The following EFCAB11 variants were observed in gnomAD, a reference collection of about 807,000 sequenced individuals.
EFCAB11 encodes EF-hand calcium binding domain 11.
A neutral mutation model predicts 23.0 loss-of-function variants in EFCAB11; 14 were observed. That is an observed-to-expected ratio of 0.61 (90% confidence interval 0.40 to 0.95). The LOEUF (loss-of-function observed/expected upper bound fraction) is 0.95. Among genes scored for constraint, EFCAB11 ranks in the 40% least tolerant of loss-of-function variants. EFCAB11 has a pLI of 0.00. For synonymous variants in EFCAB11, 65 were observed against 66.6 expected, an observed-to-expected ratio of 0.98 and a Z score of 0.11; for missense variants, 198 against 195.8, an observed-to-expected ratio of 1.01 and a Z score of -0.07.
At chr14:89,885,739 GAGAAAGAAA>G (rs1888741073) in intron 5 of EFCAB11, among the ~76,000 whole-genome samples, 1 of 118,944 alleles carries the variant, frequency 8.4e-6, no homozygotes, top group African/African-American at 3.3e-5. Flanking sequence ...GAGAGAGAGA[GAGAAAGAAA>G]GGAAAGAAAG....
intron 5 of EFCAB11, among the ~76,000 whole-genome samples, chr14:89,834,146 A>G (rs1886977273): frequency 6.6e-6 from 1 of 151,104 alleles, no homozygotes; most frequent in African/African-American, 2.4e-5. Context: ...CGAGGTCAGG[A>G]GATAGAGACC....
chr14:89,916,365 T>C, intron 5 of EFCAB11, among the ~76,000 whole-genome samples: 1 of 152,146 alleles, frequency 6.6e-6, no homozygotes, highest in East Asian at 1.9e-4. Context: ...AAGAATCAAA[T>C]TTGACTCTGA....
At chr14:89,904,181 T>G (rs1889423390) in intron 5 of EFCAB11, among the ~76,000 whole-genome samples, 1 of 152,050 alleles carries the variant, frequency 6.6e-6, no homozygotes, top group Non-Finnish European at 1.5e-5. Context: ...CCTCTGTCCA[T>G]GTGTTCTCAT....
At chr14:89,840,065 T>C (rs182143280) in intron 5 of EFCAB11, among the ~76,000 whole-genome samples, 21 of 152,316 alleles carry the variant, frequency 1.4e-4, no homozygotes, top group Admixed American at 1.4e-3. Flanking sequence ...TGAGATCCAC[T>C]AGGCATTCCC....
At chr14:89,876,047 G>C (rs1396170488) in intron 5 of EFCAB11, among the ~76,000 whole-genome samples, 4 of 152,180 alleles carry the variant, frequency 2.6e-5, no homozygotes, top group African/African-American at 9.7e-5. Context: ...TTTGGCAACT[G>C]GGAGGTTGTT....
chr14:89,797,951 T>A, intron 5 of EFCAB11, among the ~76,000 whole-genome samples: 1 of 151,812 alleles, frequency 6.6e-6, no homozygotes, highest in Non-Finnish European at 1.5e-5. Flanking sequence ...AAAAAAAAAG[T>A]GTGTTTGAAA....
At chr14:89,842,961 A>G (rs113400501) in intron 5 of EFCAB11, among the ~76,000 whole-genome samples, 3,110 of 151,262 alleles carry the variant, frequency 0.021, 65 homozygotes, top group South Asian at 0.07. Context: ...GGAAGTTTCT[A>G]AACAGGGTGA....
At chr14:89,838,192 G>A (rs530915156) in intron 5 of EFCAB11, among the ~76,000 whole-genome samples, 6 of 152,238 alleles carry the variant, frequency 3.9e-5, no homozygotes, top group East Asian at 1.9e-4. Context: ...ATTCATATCC[G>A]AGGAAATATG....
At chr14:89,858,901 C>A (rs1484051912) in intron 5 of EFCAB11, among the ~76,000 whole-genome samples, 1 of 152,086 alleles carries the variant, frequency 6.6e-6, no homozygotes, top group East Asian at 1.9e-4. Context: ...TGTGGCAACA[C>A]CGAAGTTCAC....
At chr14:89,954,398 T>G (rs1306041949) in intron 1 of EFCAB11, 188 bp downstream of exon 1, 6 of 1,536,144 alleles carry the variant, frequency 3.9e-6, no homozygotes, top group East Asian at 2.4e-5. Context: ...AACTTGGAGG[T>G]AGCCGTAGTC....
intron 5 of EFCAB11, among the ~76,000 whole-genome samples, chr14:89,930,209 A>C (rs1013009390): frequency 3.3e-5 from 5 of 152,278 alleles, no homozygotes; most frequent in African/African-American, 1.2e-4. Flanking sequence ...TCAATGATGC[A>C]GCAAATGAAT....
chr14:89,882,366 T>C (rs988177941), intron 5 of EFCAB11, among the ~76,000 whole-genome samples: 12 of 152,118 alleles, frequency 7.9e-5, no homozygotes, highest in Admixed American at 2.0e-4. Context: ...ATACTGATCA[T>C]TTTGATATAG....
At chr14:89,885,777 A>AAGAG (rs1356444487) in intron 5 of EFCAB11, among the ~76,000 whole-genome samples, 1 of 123,988 alleles carries the variant, frequency 8.1e-6, no homozygotes, top group Admixed American at 7.9e-5. Flanking sequence ...GAAAGAAAGA[A>AAGAG]AGAGAGAAAG....
intron 5 of EFCAB11, among the ~76,000 whole-genome samples, chr14:89,806,998 C>T (rs1364831510): frequency 6.6e-6 from 1 of 151,980 alleles, no homozygotes; most frequent in Non-Finnish European, 1.5e-5. Flanking sequence ...GAAAAAAGAT[C>T]CTACCATCAA....
intron 5 of EFCAB11, among the ~76,000 whole-genome samples, chr14:89,879,178 T>C (rs1408128876): frequency 6.6e-6 from 1 of 152,114 alleles, no homozygotes; most frequent in Admixed American, 6.5e-5. Flanking sequence ...AACTCTTACA[T>C]CATATGACTA....
intron 5 of EFCAB11, among the ~76,000 whole-genome samples, chr14:89,823,068 C>T (rs1442365979): frequency 3.3e-5 from 5 of 152,130 alleles, no homozygotes; most frequent in African/African-American, 1.2e-4. Flanking sequence ...GCTATAACTC[C>T]TGTGATTGTT....
At position 89,797,259 on chromosome 14, in the gene EFCAB11, C is replaced by A; in HGVS notation, c.476G>T (p.Gly159Val). 6.2e-7 allele frequency: 1 copy of A among 1,613,350 alleles called. No individual in the cohort carries two copies. Among genetic ancestry groups the A allele is most frequent in the South Asian group, 1.1e-5 (1 of 91,024 alleles). ...TCACAATAGTTAGGCTTCCTTCTGT[C>A]CATAGTTCAGGGCATATTCAAAGTC... Reference protein sequence around the residue: ...FRDFEYALNYGQKEA With the variant: ...FRDFEYALNYVQKEA The change falls in exon 6 of 6, where the codon GGA becomes GTA. Residue 159 changes from glycine (G) to valine (V), a missense_variant. By Grantham distance (109) the Gly-to-Val change is moderately radical. Transcript: ENST00000316738.
At chr14:89,859,583 G>C (rs1212373471) in intron 5 of EFCAB11, among the ~76,000 whole-genome samples, 1 of 152,214 alleles carries the variant, frequency 6.6e-6, no homozygotes, top group Non-Finnish European at 1.5e-5. Flanking sequence ...AGAACCACCA[G>C]GGTGGACAAT....
chr14:89,839,738 C>T (rs1887197590), intron 5 of EFCAB11, among the ~76,000 whole-genome samples: 1 of 150,876 alleles, frequency 6.6e-6, no homozygotes, highest in Admixed American at 6.6e-5. Context: ...AGGAAACTTA[C>T]AATCATGGTG....
Sources: allele counts gnomAD v4.1 joint callset (sites outside exome capture counted in the v4.1 genomes callset), GRCh38; gene constraint gnomAD v4.1.1; transcripts MANE v1.5; gene names NCBI Gene and HGNC (gene_info 2026-07-23, HGNC 2026-07-21).